MCTP1: variants seen among roughly 807,000 people sequenced by gnomAD.
MCTP1 encodes multiple C2 and transmembrane domain containing 1.
A neutral mutation model predicts 120.6 loss-of-function variants in MCTP1; 69 were observed. The observed-to-expected ratio is 0.57, with a 90% CI of 0.47 to 0.70. MCTP1 has a LOEUF of 0.70. MCTP1 is among the 30% of genes least tolerant of loss of function. The pLI is 0.00. For synonymous variants in MCTP1, 529 were observed against 493.1 expected (o/e 1.07, Z -0.96); for missense variants, 1,203 against 1,248.8 (o/e 0.96, Z 0.55).
At position 94,859,243 on chromosome 5, in the gene MCTP1, C is replaced by T. The variant is rs540832145; in HGVS notation, c.2436+9090G>A. ...AAATACCAGCCTCTTGGTTGAGGCACGCAATAGGCTCTTGCCATAGAAGAA... is the reference window on the plus strand; with the variant it reads ...AAATACCAGCCTCTTGGTTGAGGCATGCAATAGGCTCTTGCCATAGAAGAA... On this transcript the variant is annotated intron_variant, in intron 17 of 22. Coordinates refer to ENST00000515393, the MANE Select transcript of MCTP1 (RefSeq NM_024717.7). Among the ~76,000 whole-genome samples, 16 of 151,658 alleles carry T rather than the reference C, an allele frequency of 1.1e-4. No homozygotes were observed. In the East Asian group the frequency reaches 1.6e-3, roughly 15 times the overall value.
intron 2 of MCTP1, among the ~76,000 whole-genome samples, chr5:94,964,751 C>T (rs1825191597): frequency 6.6e-6 from 1 of 152,062 alleles, no homozygotes; most frequent in Non-Finnish European, 1.5e-5. Context: ...AAGTAAGTCT[C>T]TTGTAGGTGG....
At chr5:94,980,701 G>A (rs1353392133) in intron 2 of MCTP1, 3 of 151,884 alleles carry the variant, frequency 2.0e-5, no homozygotes, top group Non-Finnish European at 4.4e-5. Flanking sequence ...TTCTATATTT[G>A]AGGTCATTAA....
intron 19 of MCTP1, among the ~76,000 whole-genome samples, chr5:94,746,928 G>A (rs138714549): frequency 0.011 from 1,643 of 152,226 alleles, 12 homozygotes; most frequent in Non-Finnish European, 0.017. Context: ...GGCCTCTTGG[G>A]AATTCCACTT....
At chr5:95,256,011 A>C (rs1478615281) in intron 1 of MCTP1, among the ~76,000 whole-genome samples, 1 of 152,188 alleles carries the variant, frequency 6.6e-6, no homozygotes, top group Non-Finnish European at 1.5e-5. Flanking sequence ...TAAAGGGCTA[A>C]ATATCATACT....
intron 19 of MCTP1, among the ~76,000 whole-genome samples, chr5:94,715,363 C>A (rs1277854659): frequency 3.5e-3 from 247 of 70,452 alleles, no homozygotes; most frequent in East Asian, 6.5e-3. Flanking sequence ...ATGAAAACTA[C>A]AAAAAAAAAA....
chr5:95,267,570 T>C (rs918903455), intron 1 of MCTP1, among the ~76,000 whole-genome samples: 1 of 152,224 alleles, frequency 6.6e-6, no homozygotes, highest in Non-Finnish European at 1.5e-5. Context: ...AAATGTCATA[T>C]CCTAATAAGG....
At chr5:95,061,677 C>T (rs1306137575) in intron 1 of MCTP1, among the ~76,000 whole-genome samples, 1 of 151,612 alleles carries the variant, frequency 6.6e-6, no homozygotes, top group Non-Finnish European at 1.5e-5. Context: ...CCTCGTGATC[C>T]GCCCGCCTCG....
intron 1 of MCTP1, among the ~76,000 whole-genome samples, chr5:95,267,305 G>C (rs1758980176): frequency 6.6e-6 from 1 of 152,184 alleles, no homozygotes; most frequent in South Asian, 2.1e-4. Flanking sequence ...TCCTGAAAAT[G>C]TATTTTTTTA....
intron 1 of MCTP1, among the ~76,000 whole-genome samples, chr5:95,028,814 T>C (rs965181487): frequency 6.6e-6 from 1 of 152,258 alleles, no homozygotes; most frequent in African/African-American, 2.4e-5. Context: ...ATATTTGTTT[T>C]CTAATCTTTA....
intron 5 of MCTP1, among the ~76,000 whole-genome samples, chr5:94,934,993 A>T (rs1194327236): frequency 6.6e-6 from 1 of 152,010 alleles, no homozygotes; most frequent in Non-Finnish European, 1.5e-5. Flanking sequence ...ACACACATAT[A>T]TGCACTACAC....
intron 17 of MCTP1, among the ~76,000 whole-genome samples, chr5:94,823,184 C>T (rs755686334): frequency 9.9e-5 from 15 of 152,194 alleles, no homozygotes; most frequent in South Asian, 8.3e-4. Context: ...GGTTTTAGGT[C>T]TTACGTTTAA....
intron 3 of MCTP1, among the ~76,000 whole-genome samples, chr5:94,942,740 G>A (rs1275170935): frequency 1.3e-5 from 2 of 151,938 alleles, no homozygotes; most frequent in Admixed American, 6.6e-5. Context: ...CAACAAGTAT[G>A]TCTTTCATAT....
chr5:94,709,731 T>C (rs537914881), intron 21 of MCTP1: 98 of 151,788 alleles, frequency 6.5e-4, no homozygotes, highest in African/African-American at 2.3e-3. Context: ...CTTTGAATTA[T>C]AGAAATTAGG....
intron 12 of MCTP1, among the ~76,000 whole-genome samples, chr5:94,883,645 A>G (rs932075212): frequency 5.9e-5 from 9 of 152,184 alleles, no homozygotes; most frequent in African/African-American, 2.2e-4. Flanking sequence ...TCCAACATAA[A>G]TTTTAAAGAA....
At chr5:94,752,100 A>C (rs1768510492) in intron 19 of MCTP1, among the ~76,000 whole-genome samples, 1 of 73,794 alleles carries the variant, frequency 1.4e-5, no homozygotes. Flanking sequence ...CTAAAACTTA[A>C]ATAATAAAAT....
chr5:94,855,022 GA>G (rs1794471957), intron 17 of MCTP1, among the ~76,000 whole-genome samples: 1 of 151,726 alleles, frequency 6.6e-6, no homozygotes, highest in Non-Finnish European at 1.5e-5. Flanking sequence ...ATTTCAGACA[GA>G]AAAATGTTCT....
chr5:94,830,656 A>G (rs75308067), intron 17 of MCTP1, among the ~76,000 whole-genome samples: 6 of 152,330 alleles, frequency 3.9e-5, no homozygotes, highest in African/African-American at 1.2e-4. Context: ...GAGAATTCAT[A>G]TATCTGACTA....
chr5:95,198,664 C>A (rs188604972), intron 1 of MCTP1, among the ~76,000 whole-genome samples: 1 of 152,078 alleles, frequency 6.6e-6, no homozygotes, highest in African/African-American at 2.4e-5. Context: ...AAAAGAAAGA[C>A]CAACGTTGAG....
At chr5:95,263,561 C>A (rs1758645111) in intron 1 of MCTP1, among the ~76,000 whole-genome samples, 1 of 152,154 alleles carries the variant, frequency 6.6e-6, no homozygotes, top group Non-Finnish European at 1.5e-5. Context: ...AAGGCAAGAA[C>A]CTAGCTGAGT....
Sources: allele counts gnomAD v4.1 joint callset (sites outside exome capture counted in the v4.1 genomes callset), GRCh38; gene constraint gnomAD v4.1.1; transcripts MANE v1.5; gene names NCBI Gene and HGNC (gene_info 2026-07-23, HGNC 2026-07-21).